The following VAV3 variants were observed in gnomAD, a reference collection of about 807,000 sequenced individuals.
VAV3 encodes guanine nucleotide exchange factor VAV3.
Under a neutral mutation model 131.2 loss-of-function variants are expected in VAV3, and 94 were observed. That is an observed-to-expected ratio of 0.72 (90% CI 0.61 to 0.85). The LOEUF (loss-of-function observed/expected upper bound fraction) is 0.85, where lower values mean the gene tolerates loss of function less well. Ranked by LOEUF, VAV3 falls within the 40% of genes least tolerant of loss-of-function variation. The pLI is 0.00. For missense variants in VAV3, 939 were observed against 1,002.7 expected, an observed-to-expected ratio of 0.94 and a Z score of 0.86; for synonymous variants, 349 against 342.0, an observed-to-expected ratio of 1.02 and a Z score of -0.22.
chr1:107,862,427 A>C (rs78511608), intron 2 of VAV3, among the ~76,000 whole-genome samples: 14 of 151,694 alleles, frequency 9.2e-5, no homozygotes, highest in African/African-American at 3.4e-4. Flanking sequence ...AAGAAGACAC[A>C]GAAAATAAAC....
intron 15 of VAV3, among the ~76,000 whole-genome samples, chr1:107,748,190 C>T (rs557717604): frequency 1.1e-4 from 17 of 152,218 alleles, no homozygotes; most frequent in Middle Eastern, 3.4e-3. Context: ...AATCTTAGAA[C>T]CCAAATGAAA....
chr1:107,872,225 C>A (rs72689607), intron 2 of VAV3, among the ~76,000 whole-genome samples: 4,752 of 152,188 alleles, frequency 0.031, 103 homozygotes, highest in Middle Eastern at 0.11. Context: ...GCTTCCTCAT[C>A]TGAAGAATGT....
intron 2 of VAV3, among the ~76,000 whole-genome samples, chr1:107,850,263 C>T (rs1669158038): frequency 6.6e-6 from 1 of 152,186 alleles, no homozygotes; most frequent in South Asian, 2.1e-4. Flanking sequence ...TATAAAGACA[C>T]ATGCCCACGT....
chr1:107,629,963 A>G (rs1370979200), intron 20 of VAV3, among the ~76,000 whole-genome samples: 2 of 152,178 alleles, frequency 1.3e-5, no homozygotes, highest in Non-Finnish European at 2.9e-5. Flanking sequence ...AAAAACAGAG[A>G]AAACAGGTCA....
chr1:107,781,050 T>A (rs768473635), intron 2 of VAV3, among the ~76,000 whole-genome samples: 2 of 152,152 alleles, frequency 1.3e-5, no homozygotes, highest in African/African-American at 4.8e-5. Flanking sequence ...CAGCCACACA[T>A]ACACTTATAT....
chr1:107,792,497 T>C (rs761466791), intron 2 of VAV3, among the ~76,000 whole-genome samples: 1 of 152,162 alleles, frequency 6.6e-6, no homozygotes, highest in Non-Finnish European at 1.5e-5. Flanking sequence ...CAACTATGCA[T>C]ATAAATTTCA....
At chr1:107,906,558 C>T (rs1403284462) in intron 1 of VAV3, among the ~76,000 whole-genome samples, 4 of 151,882 alleles carry the variant, frequency 2.6e-5, no homozygotes, top group East Asian at 1.9e-4. Context: ...CCCAGCTACT[C>T]GGGAGGCTGA....
intron 8 of VAV3, 108 bp downstream of exon 8, chr1:107,766,339 G>T (rs1304065382): frequency 4.4e-6 from 3 of 687,952 alleles, no homozygotes; most frequent in Non-Finnish European, 7.4e-6. Context: ...TTACTGCTCA[G>T]GTAGTAATGT....
chr1:107,819,207 T>C (rs997957303), intron 2 of VAV3, among the ~76,000 whole-genome samples: 1 of 152,138 alleles, frequency 6.6e-6, no homozygotes, highest in African/African-American at 2.4e-5. Flanking sequence ...AATATCAACC[T>C]CTTAGAAACA....
intron 1 of VAV3, among the ~76,000 whole-genome samples, chr1:107,918,151 T>C (rs1238041568): frequency 6.6e-6 from 1 of 152,142 alleles, no homozygotes; most frequent in Admixed American, 6.5e-5. Flanking sequence ...GGTCCGAACA[T>C]ACAGTGTGAA....
At chr1:107,609,727 G>A (rs368027248) in intron 22 of VAV3, 4 of 536,966 alleles carry the variant, frequency 7.4e-6, no homozygotes, top group Admixed American at 6.2e-5. Flanking sequence ...CTGGGCACTC[G>A]CATGCACACA....
intron 16 of VAV3, 39 bp downstream of exon 16, chr1:107,704,921 A>G: frequency 6.4e-7 from 1 of 1,564,172 alleles, no homozygotes; most frequent in Non-Finnish European, 8.8e-7. Flanking sequence ...CAATTATATC[A>G]GTTCCTTTAA....
chr1:107,854,389 C>T (rs536111227), intron 2 of VAV3, among the ~76,000 whole-genome samples: 1 of 152,234 alleles, frequency 6.6e-6, no homozygotes, highest in South Asian at 2.1e-4. Flanking sequence ...TACATATTTA[C>T]CTTATTACTA....
chr1:107,757,508 C>G (rs1664178428), intron 10 of VAV3, among the ~76,000 whole-genome samples, 179 bp from the exon 11 acceptor site: 1 of 152,056 alleles, frequency 6.6e-6, no homozygotes. Context: ...CAACTAGACA[C>G]CAAAAAATCA....
intron 15 of VAV3, among the ~76,000 whole-genome samples, chr1:107,725,419 G>A (rs1264250388): frequency 1.3e-5 from 2 of 152,136 alleles, no homozygotes; most frequent in Non-Finnish European, 2.9e-5. Context: ...CGAAAGTAAA[G>A]AGAGTGAGAG....
At chr1:107,719,049 C>T (rs1011207251) in intron 15 of VAV3, among the ~76,000 whole-genome samples, 1 of 152,010 alleles carries the variant, frequency 6.6e-6, no homozygotes, top group African/African-American at 2.4e-5. Flanking sequence ...CTTATACAAA[C>T]ATTAATTCAA....
At chr1:107,677,007 C>A (rs2101706047) in intron 19 of VAV3, among the ~76,000 whole-genome samples, 1 of 152,182 alleles carries the variant, frequency 6.6e-6, no homozygotes, top group Middle Eastern at 3.4e-3. Context: ...ATGAATGAGC[C>A]TCAAAGGAAA....
At chr1:107,715,460 C>A (rs533977907) in intron 15 of VAV3, among the ~76,000 whole-genome samples, 1 of 152,222 alleles carries the variant, frequency 6.6e-6, no homozygotes, top group East Asian at 1.9e-4. Context: ...TAATGCTTTT[C>A]TTGTATTAAA....
rs1317970944 is a variant in VAV3, at chr1:107,952,485, T to TATATATATACAC, written c.204+12180_204+12181insGTGTATATATAT. ...ACAAAACTTTATATATATATATATA[T>TATATATATACAC]ACACACATAAATTCAACCTAAAAAA... On this transcript the variant is annotated intron_variant, in intron 1 of 26. Coordinates refer to ENST00000370056, the MANE Select transcript of VAV3 (RefSeq NM_006113.5). 8.5e-3 allele frequency among the ~76,000 whole-genome samples: 799 copies of TATATATATACAC among 94,404 alleles called. 52 individuals are homozygous for TATATATATACAC. Among genetic ancestry groups the TATATATATACAC allele is most frequent in the African/African-American group, 0.027 (742 of 27,634 alleles). The allele number at this position is 94,404 out of a possible 152,430, so 61.9% of individuals were successfully genotyped here.
Sources: allele counts gnomAD v4.1 joint callset (sites outside exome capture counted in the v4.1 genomes callset), GRCh38; gene constraint gnomAD v4.1.1; transcripts MANE v1.5; gene names NCBI Gene and HGNC (gene_info 2026-07-23, HGNC 2026-07-21).